The following WDR45B variants were observed in gnomAD, a reference collection of about 807,000 sequenced individuals.
WDR45B encodes WD repeat domain phosphoinositide-interacting protein 3.
WDR45B carries 20 observed loss-of-function variants against 44.6 expected under a neutral mutation model. That is an observed-to-expected ratio of 0.45 (90% CI 0.32 to 0.65). The LOEUF (loss-of-function observed/expected upper bound fraction) is 0.65, where lower values mean the gene tolerates loss of function less well. Ranked by LOEUF, WDR45B falls within the 30% of genes least tolerant of loss-of-function variation. WDR45B has a pLI of 0.05. For synonymous variants in WDR45B, 169 were observed against 164.9 expected (o/e 1.02, Z -0.19); for missense variants, 323 against 430.2 (o/e 0.75, Z 2.20).
chr17:82,617,928 C>A (rs1399242526), intron 7 of WDR45B, among the ~76,000 whole-genome samples: 1 of 149,614 alleles, frequency 6.7e-6, no homozygotes, highest in Non-Finnish European at 1.5e-5. Context: ...ATTACATTTT[C>A]TTTCTTTTTT....
At chr17:82,646,147 T>G (rs12943753) in intron 1 of WDR45B, among the ~76,000 whole-genome samples, 29,399 of 147,456 alleles carry the variant, frequency 0.2, 3,196 homozygotes, top group South Asian at 0.3. Flanking sequence ...GATCTACAAC[T>G]ATACTCAACA....
At chr17:82,616,194 G>A (rs569414858) in intron 9 of WDR45B, among the ~76,000 whole-genome samples, 169 bp from the exon 10 acceptor site, 8 of 152,264 alleles carry the variant, frequency 5.3e-5, no homozygotes, top group East Asian at 1.9e-4. Flanking sequence ...CACCGTGGCC[G>A]GGAATCCTGA....
intron 4 of WDR45B, chr17:82,627,002 C>T (rs957718496): frequency 8.2e-6 from 5 of 609,652 alleles, no homozygotes; most frequent in Admixed American, 2.5e-5. Flanking sequence ...TTACCTCCAG[C>T]GGAGCCCTGG....
chr17:82,627,745 G>A (rs1206496592), intron 3 of WDR45B, among the ~76,000 whole-genome samples: 1 of 152,222 alleles, frequency 6.6e-6, no homozygotes, highest in Non-Finnish European at 1.5e-5. Flanking sequence ...GCACACAGGC[G>A]CGCTGAGCGC....
At chr17:82,645,241 C>T (rs769236737) in intron 1 of WDR45B, among the ~76,000 whole-genome samples, 14 of 150,872 alleles carry the variant, frequency 9.3e-5, no homozygotes, top group Non-Finnish European at 1.6e-4. Context: ...GAGGTTGCAG[C>T]GAGCTCAGAT....
At chr17:82,632,342 G>C (rs1209181989) in intron 2 of WDR45B, among the ~76,000 whole-genome samples, 1 of 151,938 alleles carries the variant, frequency 6.6e-6, no homozygotes, top group Non-Finnish European at 1.5e-5. Context: ...TTTCAGAAAA[G>C]TTTTTGTAGA....
At chr17:82,648,207 G>A in intron 1 of WDR45B, 67 bp downstream of exon 1, 1 of 1,543,316 alleles carries the variant, frequency 6.5e-7, no homozygotes, top group South Asian at 1.2e-5. Context: ...GGAGAGGCCT[G>A]AGAGCCGGGG....
chr17:82,620,275 A>C (rs2045595739), intron 6 of WDR45B, among the ~76,000 whole-genome samples: 1 of 152,148 alleles, frequency 6.6e-6, no homozygotes. Context: ...CTCTACTAAA[A>C]ATACAAACAT....
chr17:82,631,941 G>A (rs1463322647), intron 2 of WDR45B, among the ~76,000 whole-genome samples: 1 of 151,852 alleles, frequency 6.6e-6, no homozygotes, highest in Non-Finnish European at 1.5e-5. Context: ...AAATTAGCCG[G>A]CGTGGTGGCA....
Position 82,631,010 on chromosome 17 carries a change from C to G in WDR45B, c.155G>C (p.Gly52Ala), listed in dbSNP as rs1568009587. The change falls in exon 3 of 10, where the codon GGA (glycine) becomes GCA (alanine). Residue 52 changes from glycine to alanine, a missense_variant. By Grantham distance (60) the Gly-to-Ala change is moderately conservative. Coordinates refer to ENST00000392325, the MANE Select transcript of WDR45B (RefSeq NM_019613.4). ...TAACATTTCAACATGGCCAACTCCT[C>G]CTTCTAGAAATTCTGAAATGATAGT... The part of the protein sequence containing the change: ...KEKEKQEFLE[G>A]GVGHVEMLFR... The G allele has an allele frequency of 6.2e-7, 1 of 1,613,920 alleles. No homozygotes were observed. Among genetic ancestry groups the G allele is most frequent in the East Asian group, 2.2e-5 (1 of 44,888 alleles).
chr17:82,644,057 C>T (rs2045948579), intron 1 of WDR45B, 34 bp from the exon 2 acceptor site: 1 of 1,609,232 alleles, frequency 6.2e-7, no homozygotes, highest in Non-Finnish European at 8.5e-7. Flanking sequence ...CATTAATCCC[C>T]AGGCCTGGAG....
At chr17:82,628,969 C>G (rs1479262899) in intron 3 of WDR45B, among the ~76,000 whole-genome samples, 2 of 152,118 alleles carry the variant, frequency 1.3e-5, no homozygotes, top group Non-Finnish European at 2.9e-5. Flanking sequence ...AACTGCATTC[C>G]AGCCTGGGCA....
At chr17:82,623,661 G>A (rs1366887032) in intron 5 of WDR45B, among the ~76,000 whole-genome samples, 1 of 150,126 alleles carries the variant, frequency 6.7e-6, no homozygotes, top group African/African-American at 2.5e-5. Context: ...TCATGCCACT[G>A]CACTCCAGCT....
At chr17:82,643,416 G>C (rs1431408192) in intron 2 of WDR45B, among the ~76,000 whole-genome samples, 1 of 151,712 alleles carries the variant, frequency 6.6e-6, no homozygotes, top group Admixed American at 6.6e-5. Context: ...CTGGGCGACA[G>C]AGCAAGATCC....
At chr17:82,646,229 G>T (rs998370247) in intron 1 of WDR45B, among the ~76,000 whole-genome samples, 1 of 151,054 alleles carries the variant, frequency 6.6e-6, no homozygotes, top group Admixed American at 6.6e-5. Context: ...CGTGGCTCAC[G>T]CCTGTAACCC....
intron 2 of WDR45B, among the ~76,000 whole-genome samples, chr17:82,635,569 G>A (rs998012335): frequency 6.6e-5 from 10 of 151,394 alleles, no homozygotes; most frequent in African/African-American, 2.4e-4. Context: ...GGGATTACAG[G>A]CGCCCATCAC....
intron 2 of WDR45B, among the ~76,000 whole-genome samples, chr17:82,636,309 G>A (rs1037407775): frequency 1.3e-5 from 2 of 150,314 alleles, no homozygotes; most frequent in Non-Finnish European, 3.0e-5. Flanking sequence ...CACAGGCACA[G>A]TTAGCTATGC....
intron 2 of WDR45B, chr17:82,636,577 C>T (rs1319455578): frequency 6.6e-6 from 1 of 152,014 alleles, no homozygotes; most frequent in South Asian, 2.1e-4. Context: ...TCAGAGCTTT[C>T]TATGTTCCAG....
Position 82,621,687 on chromosome 17 carries a change from G to C in WDR45B, c.540C>G (p.Asp180Glu). The change falls in exon 6 of 10, where the codon GAC (aspartate) becomes GAG (glutamate). Residue 180 changes from aspartate (D) to glutamate (E), a missense_variant. Coordinates refer to ENST00000392325, the MANE Select transcript of WDR45B (RefSeq NM_019613.4). ...TCAGGACACCCTCGTGTGCAGGAATGTCCACGGGTGGCTTCTCCGTGCTGG... is the reference window on the plus strand; with the variant it reads ...TCAGGACACCCTCGTGTGCAGGAATCTCCACGGGTGGCTTCTCCGTGCTGG... ...DLASTEKPPV[D>E]IPAHEGVLSC... 6.2e-7 allele frequency: 1 copy of C among 1,614,214 alleles called. No homozygotes were observed. The highest frequency in any genetic ancestry group is 8.5e-7 in the Non-Finnish European group (1 of 1,180,044).
Sources: gnomAD v4.1 joint callset for allele counts (sites outside exome capture counted in the v4.1 genomes callset) on GRCh38, gnomAD v4.1.1 for gene constraint, MANE v1.5 for transcripts, NCBI Gene and HGNC (gene_info 2026-07-23, HGNC 2026-07-21) for gene names.